Variants in C1QTNF6 observed in about 807,000 individuals in gnomAD.
C1QTNF6 encodes complement C1q tumor necrosis factor-related protein 6.
A neutral mutation model predicts 20.7 loss-of-function variants in C1QTNF6; 17 were observed. That is an observed-to-expected ratio of 0.82 (90% confidence interval 0.56 to 1.23). The LOEUF (loss-of-function observed/expected upper bound fraction) is 1.23. Ranked by LOEUF, C1QTNF6 falls within the 50% of genes most tolerant of loss-of-function variation. The pLI is 0.00. For synonymous variants in C1QTNF6, 130 were observed against 156.3 expected (o/e 0.83, Z 1.25); for missense variants, 329 against 389.7 (o/e 0.84, Z 1.31).
intron 2 of C1QTNF6, among the ~76,000 whole-genome samples, chr22:37,194,007 G>A (rs555290475): frequency 1.3e-5 from 2 of 152,296 alleles, no homozygotes; most frequent in African/African-American, 4.8e-5. Flanking sequence ...TTTCAAGCGT[G>A]CAAAGGCTTT....
At chr22:37,192,585 T>A (rs1299949749), upstream of C1QTNF6, among the ~76,000 whole-genome samples, 1 of 152,228 alleles carries the variant, frequency 6.6e-6, no homozygotes, top group African/African-American at 2.4e-5. Context: ...TTAGACCAAA[T>A]GTCTAAAGTT....
upstream of C1QTNF6, chr22:37,198,383 T>G (rs975486552): frequency 2.6e-5 from 4 of 152,196 alleles, no homozygotes; most frequent in Non-Finnish European, 4.4e-5. Flanking sequence ...GCCAAGCCCC[T>G]GGCCACCATC....
chr22:37,198,622 A>C (rs1306474235), upstream of C1QTNF6, among the ~76,000 whole-genome samples: 1 of 148,722 alleles, frequency 6.7e-6, no homozygotes, highest in African/African-American at 2.6e-5. Flanking sequence ...TCAACAAAGG[A>C]AGACGCGAGC....
At position 37,182,116 on chromosome 22, in the gene C1QTNF6, G is replaced by C; in HGVS notation, c.*72C>G. On this transcript the variant is annotated 3_prime_UTR_variant, in exon 3 of 3. Coordinates refer to ENST00000337843, the MANE Select transcript of C1QTNF6 (RefSeq NM_031910.4). ...TCCCTGGCCTTCCTGCTTCACAGCA[G>C]TGCAAACTGAGCCCTGCAGGGGACG... 1 of 1,498,708 alleles carries C rather than the reference G, an allele frequency of 6.7e-7. No individual in the cohort carries two copies. Among genetic ancestry groups the C allele is most frequent in the South Asian group, 1.3e-5 (1 of 75,716 alleles). 92.8% of individuals were successfully genotyped at this position (1,498,708 alleles called of 1,614,324 possible).
intron 1 of C1QTNF6, chr22:37,185,752 A>T (rs1010708420): frequency 1.3e-5 from 14 of 1,068,582 alleles, no homozygotes; most frequent in Non-Finnish European, 1.5e-5. Context: ...CTCTGAAAAC[A>T]GCCACAGCTG....
At chr22:37,192,526 G>T (rs229535), upstream of C1QTNF6, among the ~76,000 whole-genome samples, 43,029 of 152,028 alleles carry the variant, frequency 0.28, 6,944 homozygotes, top group East Asian at 0.58. Flanking sequence ...CAATGATGCA[G>T]TTTATGACCT....
At position 37,182,213 on chromosome 22, in the gene C1QTNF6, T is replaced by G. The variant is rs759974536; in HGVS notation, c.812A>C (p.His271Pro). 1.2e-6 allele frequency: 2 copies of G among 1,612,982 alleles called. No homozygotes were observed. Among genetic ancestry groups the G allele is most frequent in the Non-Finnish European group, 1.7e-6 (2 of 1,179,288 alleles). The stretch of plus-strand genomic sequence containing the variant: ...TCAGTCGTCCTCGGCCTTGATGAGG[T>G]GGCCGCTGAAGGTGATGTAGGTGTC... The part of the protein sequence containing the change: ...DFDTYITFSG[H>P]LIKAEDD The change falls in exon 3 of 3, where the codon CAC becomes CCC. Residue 271 changes from histidine (H) to proline (P), a missense_variant. Physicochemically the swap from His to Pro is moderately conservative, Grantham distance 77. Coordinates refer to ENST00000337843, the MANE Select transcript of C1QTNF6 (RefSeq NM_031910.4).
upstream of C1QTNF6, among the ~76,000 whole-genome samples, chr22:37,198,604 G>A (rs1275925718): frequency 6.6e-6 from 1 of 152,180 alleles, no homozygotes. Context: ...CAAGCGCAGA[G>A]ATCAATTTCA....
At chr22:37,193,026 G>A (rs543301488), upstream of C1QTNF6, among the ~76,000 whole-genome samples, 7 of 152,140 alleles carry the variant, frequency 4.6e-5, no homozygotes, top group South Asian at 1.5e-3. Context: ...CATCCCCCAT[G>A]GCAGTCTTAT....
chr22:37,189,298 G>A (rs531060502), upstream of C1QTNF6, among the ~76,000 whole-genome samples: 15 of 152,200 alleles, frequency 9.9e-5, no homozygotes, highest in East Asian at 1.9e-4. Flanking sequence ...TTTGTTTACC[G>A]CATACTGTTT....
At chr22:37,188,138 G>A (rs934775947) in intron 1 of C1QTNF6, 25 bp downstream of exon 1, 5 of 1,599,138 alleles carry the variant, frequency 3.1e-6, no homozygotes, top group Non-Finnish European at 3.4e-6. Context: ...CAGCCCCCAA[G>A]CTTGAGGAGC....
chr22:37,185,813 C>T, intron 1 of C1QTNF6: 1 of 1,004,572 alleles, frequency 1.0e-6, no homozygotes. Flanking sequence ...GAGAAGATGC[C>T]CCAGCTGGCC....
chr22:37,196,792 A>C (rs1331899156), intron 1 of C1QTNF6: 1 of 152,280 alleles, frequency 6.6e-6, no homozygotes, highest in African/African-American at 2.4e-5. Context: ...CTGGGGCTTC[A>C]GGTGCTAAAT....
chr22:37,194,069 TC>T, intron 2 of C1QTNF6, among the ~76,000 whole-genome samples: 1 of 152,188 alleles, frequency 6.6e-6, no homozygotes, highest in East Asian at 1.9e-4. Context: ...CAGCTTCCTG[TC>T]GTCTGGATGG....
upstream of C1QTNF6, among the ~76,000 whole-genome samples, chr22:37,199,153 G>A (rs1170298899): frequency 6.6e-6 from 1 of 152,238 alleles, no homozygotes; most frequent in Non-Finnish European, 1.5e-5. Context: ...GAGCCTGCCT[G>A]CTGGGGCGTG....
chr22:37,186,165 G>A (rs5756540), intron 1 of C1QTNF6: 195,695 of 982,982 alleles, frequency 0.2, 20,496 homozygotes, highest in East Asian at 0.58. Flanking sequence ...GTCAGGAGAA[G>A]GAATACTGGG....
intron 1 of C1QTNF6, among the ~76,000 whole-genome samples, chr22:37,186,909 G>C (rs111638232): frequency 6.6e-6 from 1 of 152,240 alleles, no homozygotes; most frequent in East Asian, 1.9e-4. Context: ...ACTGAGGTGA[G>C]GGCAGAGTTT....
intron 2 of C1QTNF6, among the ~76,000 whole-genome samples, chr22:37,194,019 AACT>A (rs1924982983): frequency 6.6e-6 from 1 of 152,212 alleles, no homozygotes; most frequent in African/African-American, 2.4e-5. Flanking sequence ...AAAGGCTTTT[AACT>A]GCTCAGGACA....
rs1924055978 is a variant in C1QTNF6 at position 37,184,188 on chromosome 22, A to G, written c.289+1030T>C. On this transcript the variant is annotated intron_variant, in intron 2 of 2. Transcript: ENST00000337843. The surrounding 1 kb of genome is among the most constrained non-coding windows in gnomAD (Gnocchi z 4.0). ...CTCACCACGAAATCAGAACAAGGGC[A>G]GGCCAGGTGCCAGGTGACCACTGGC... The G allele has an allele frequency of 3.2e-6, 2 of 620,888 alleles. No homozygotes were observed. The highest frequency in any genetic ancestry group is 5.9e-6 in the Non-Finnish European group (2 of 338,308). The allele number at this position is 620,888 out of a possible 1,614,324, so 38.5% of individuals were successfully genotyped here. A position where few individuals can be genotyped will look rare whatever the true frequency, so the allele number is the denominator to read the frequency against.
Sources: allele counts gnomAD v4.1 joint callset (sites outside exome capture counted in the v4.1 genomes callset), GRCh38; gene constraint gnomAD v4.1.1; non-coding constraint Gnocchi (gnomAD v3.1); transcripts MANE v1.5; gene names NCBI Gene and HGNC (gene_info 2026-07-23, HGNC 2026-07-21).